Variants in DRC4 observed in about 807,000 individuals in gnomAD.
DRC4 encodes GAS-11.
chr16:90,037,017 C>T, the DRC4 span: 2 of 595,406 alleles, frequency 3.4e-6, no homozygotes, highest in Non-Finnish European at 6.0e-6. Flanking sequence ...AAGTATAGTC[C>T]TTCAGTCTGC....
At chr16:90,020,643 G>T in the DRC4 span, among the ~76,000 whole-genome samples, 1 of 152,184 alleles carries the variant, frequency 6.6e-6, no homozygotes, top group Non-Finnish European at 1.5e-5. Context: ...AGAACAGGTC[G>T]CAGTGGGCCC....
At chr16:90,034,969 T>C in the DRC4 span, among the ~76,000 whole-genome samples, 2 of 131,910 alleles carry the variant, frequency 1.5e-5, no homozygotes, top group African/African-American at 5.6e-5. Context: ...AGTGGCACAA[T>C]CTCAGTTCAC....
the DRC4 span, among the ~76,000 whole-genome samples, chr16:90,038,388 C>T: frequency 2.0e-5 from 3 of 152,312 alleles, no homozygotes; most frequent in East Asian, 5.8e-4. Context: ...TATCAGGCTG[C>T]ACATAGGAAG....
the DRC4 span, among the ~76,000 whole-genome samples, chr16:90,040,968 C>T: frequency 6.6e-6 from 1 of 152,148 alleles, no homozygotes; most frequent in African/African-American, 2.4e-5. Flanking sequence ...GGAGGGGCCT[C>T]ACCTGGGCCA....
chr16:90,020,455 G>A, the DRC4 span, among the ~76,000 whole-genome samples: 1 of 152,222 alleles, frequency 6.6e-6, no homozygotes, highest in Non-Finnish European at 1.5e-5. Flanking sequence ...TCAGACATCA[G>A]ACAGAGGGCA....
the DRC4 span, chr16:90,036,256 C>A: frequency 1.2e-6 from 1 of 811,564 alleles, no homozygotes. Context: ...TCTTGCAGAG[C>A]TTTTGCCTGC....
At chr16:90,041,193 G>A in the DRC4 span, among the ~76,000 whole-genome samples, 2 of 152,366 alleles carry the variant, frequency 1.3e-5, no homozygotes, top group African/African-American at 2.4e-5. Context: ...TTGCAGCTGC[G>A]CCCACGCGCC....
the DRC4 span, chr16:90,044,892 A>C: frequency 4.5e-6 from 1 of 220,776 alleles, no homozygotes; most frequent in Non-Finnish European, 9.2e-6. Flanking sequence ...TAGCTGGCAT[A>C]TATTTTTCCA....
At chr16:90,026,706 C>CG in the DRC4 span, among the ~76,000 whole-genome samples, 1 of 151,398 alleles carries the variant, frequency 6.6e-6, no homozygotes, top group Non-Finnish European at 1.5e-5. Context: ...TTTTTGGAGA[C>CG]GGGGTCTCGT....
the DRC4 span, among the ~76,000 whole-genome samples, chr16:90,028,313 T>A: frequency 2.7e-5 from 4 of 149,950 alleles, no homozygotes; most frequent in Non-Finnish European, 5.9e-5. Context: ...GCCTCCCGAG[T>A]AGCTGGGACT....
the DRC4 span, chr16:90,022,742 C>T: frequency 7.1e-7 from 1 of 1,404,748 alleles, no homozygotes; most frequent in Non-Finnish European, 9.3e-7. Flanking sequence ...GGGGCGGGAG[C>T]GGGGCTGGGG....
chr16:90,038,421 G>A, the DRC4 span, among the ~76,000 whole-genome samples: 1 of 152,220 alleles, frequency 6.6e-6, no homozygotes, highest in African/African-American at 2.4e-5. Flanking sequence ...TTTCACAGCT[G>A]CTTGGTGCTG....
At chr16:90,036,239 GTTC>G in the DRC4 span, 5 of 724,228 alleles carry the variant, frequency 6.9e-6, no homozygotes, top group Non-Finnish European at 1.2e-5. Context: ...AAACCCCTTT[GTTC>G]TTCTCTTGCA....
chr16:90,037,658 T>A, the DRC4 span: 3 of 1,180,712 alleles, frequency 2.5e-6, no homozygotes, highest in South Asian at 3.8e-5. Flanking sequence ...ACCAGGTCTT[T>A]CTGGCGATTA....
At chr16:90,042,366 G>A in the DRC4 span, 1 of 866,744 alleles carries the variant, frequency 1.2e-6, no homozygotes, top group South Asian at 1.4e-5. Flanking sequence ...AAACCAGGCT[G>A]CTATTCGCTG....
At chr16:90,042,550 T>TA in the DRC4 span, 7 of 1,610,528 alleles carry the variant, frequency 4.3e-6, no homozygotes, top group Admixed American at 6.7e-5. Flanking sequence ...GGCTGTGCCC[T>TA]GCCCTCCCTC....
chr16:90,037,975 C>T, the DRC4 span: 23 of 817,136 alleles, frequency 2.8e-5, no homozygotes, highest in East Asian at 5.1e-5. Context: ...TAGCCAGGGA[C>T]GGGGCTCTCC....
chr16:90,040,877 C>T, the DRC4 span, among the ~76,000 whole-genome samples: 12 of 152,070 alleles, frequency 7.9e-5, no homozygotes, highest in African/African-American at 2.9e-4. Context: ...CGGGTCCCGG[C>T]CCAGTGGGCG....
chr16:90,038,760 A>C, the DRC4 span, among the ~76,000 whole-genome samples: 3 of 152,164 alleles, frequency 2.0e-5, no homozygotes, highest in African/African-American at 7.2e-5. Context: ...GGGCACTTCC[A>C]AGATTCGCAG....
Sources: gnomAD v4.1 joint callset for allele counts (sites outside exome capture counted in the v4.1 genomes callset) on GRCh38, gnomAD v4.1.1 for gene constraint, MANE v1.5 for transcripts, NCBI Gene and HGNC (gene_info 2026-07-23, HGNC 2026-07-21) for gene names.